HS3ST4: variants seen among roughly 807,000 people sequenced by gnomAD.
HS3ST4 encodes the protein heparan sulfate glucosamine 3-O-sulfotransferase 4.
Under a neutral mutation model 29.2 loss-of-function variants are expected in HS3ST4, and 17 were observed. The observed-to-expected ratio is 0.58, with a 90% CI of 0.40 to 0.87. HS3ST4 has a LOEUF of 0.87. Ranked by LOEUF, HS3ST4 falls within the 40% of genes least tolerant of loss-of-function variation. The pLI is 0.00. For synonymous variants in HS3ST4, 314 were observed against 285.7 expected, an observed-to-expected ratio of 1.10 and a Z score of -1.00; for missense variants, 627 against 634.5, an observed-to-expected ratio of 0.99 and a Z score of 0.13.
At chr16:25,990,947 T>C (rs1259937165) in intron 1 of HS3ST4, among the ~76,000 whole-genome samples, 1 of 152,222 alleles carries the variant, frequency 6.6e-6, no homozygotes, top group Non-Finnish European at 1.5e-5. Flanking sequence ...TTCCTTCTTA[T>C]AGCTTTTGTT....
intron 1 of HS3ST4, among the ~76,000 whole-genome samples, chr16:26,026,259 C>A (rs1300268125): frequency 6.6e-6 from 1 of 152,166 alleles, no homozygotes; most frequent in Non-Finnish European, 1.5e-5. Flanking sequence ...AGGGTGATAA[C>A]CAGGACCAAT....
At chr16:26,106,786 G>A (rs1260414259) in intron 1 of HS3ST4, among the ~76,000 whole-genome samples, 1 of 152,180 alleles carries the variant, frequency 6.6e-6, no homozygotes, top group Non-Finnish European at 1.5e-5. Context: ...AGATCTCATG[G>A]GAACTATTCC....
chr16:25,847,160 A>G (rs2141647744), intron 1 of HS3ST4, among the ~76,000 whole-genome samples: 1 of 152,308 alleles, frequency 6.6e-6, no homozygotes, highest in Middle Eastern at 3.4e-3. Flanking sequence ...GTCAAGGAAC[A>G]TGGCATGTCT....
chr16:25,925,092 A>G (rs964833968), intron 1 of HS3ST4, among the ~76,000 whole-genome samples: 1 of 151,974 alleles, frequency 6.6e-6, no homozygotes, highest in Admixed American at 6.6e-5. Context: ...TGGAGGTTGG[A>G]AATCAATGGC....
intron 1 of HS3ST4, among the ~76,000 whole-genome samples, chr16:25,917,503 G>T (rs992458370): frequency 6.6e-6 from 1 of 152,196 alleles, no homozygotes; most frequent in East Asian, 1.9e-4. Flanking sequence ...GAGCCACTGT[G>T]CCCAGCCTAT....
intron 1 of HS3ST4, among the ~76,000 whole-genome samples, chr16:25,898,741 T>C (rs569880710): frequency 3.7e-4 from 56 of 152,362 alleles, no homozygotes; most frequent in Non-Finnish European, 6.3e-4. Context: ...CAAGGCACTC[T>C]GCCTGAGGCT....
At chr16:26,026,083 A>G (rs1387697218) in intron 1 of HS3ST4, among the ~76,000 whole-genome samples, 3 of 151,952 alleles carry the variant, frequency 2.0e-5, no homozygotes, top group African/African-American at 7.2e-5. Context: ...TAATTTTTGT[A>G]TTTTTAGTAC....
At chr16:25,698,233 A>G (rs890329023) in intron 1 of HS3ST4, among the ~76,000 whole-genome samples, 15 of 152,168 alleles carry the variant, frequency 9.9e-5, no homozygotes, top group Admixed American at 5.9e-4. Flanking sequence ...CCAGGACAAC[A>G]TATGAGTTAT....
chr16:25,864,827 A>G (rs1004056218), intron 1 of HS3ST4, among the ~76,000 whole-genome samples: 3 of 151,622 alleles, frequency 2.0e-5, no homozygotes, highest in Non-Finnish European at 4.4e-5. Context: ...ATATATTTAT[A>G]AATAAAATCC....
At chr16:25,830,209 A>T (rs1967279549) in intron 1 of HS3ST4, among the ~76,000 whole-genome samples, 1 of 152,252 alleles carries the variant, frequency 6.6e-6, no homozygotes, top group African/African-American at 2.4e-5. Flanking sequence ...TGCCTGGAAG[A>T]TAGTAGACAA....
chr16:26,001,762 G>A (rs889890421), intron 1 of HS3ST4, among the ~76,000 whole-genome samples: 6 of 152,106 alleles, frequency 3.9e-5, no homozygotes, highest in Non-Finnish European at 8.8e-5. Flanking sequence ...TTTTCTCCGA[G>A]GCTCTGAAGT....
chr16:25,970,524 T>C (rs1463940595), intron 1 of HS3ST4, among the ~76,000 whole-genome samples: 1 of 151,994 alleles, frequency 6.6e-6, no homozygotes, highest in Non-Finnish European at 1.5e-5. Flanking sequence ...CTCTCTCTCT[T>C]TTTTTTTCAG....
chr16:25,711,110 C>T (rs931599580), intron 1 of HS3ST4, among the ~76,000 whole-genome samples: 2 of 152,138 alleles, frequency 1.3e-5, no homozygotes, highest in South Asian at 2.1e-4. Flanking sequence ...AGGCATGAAC[C>T]ACTGTGTCCA....
intron 1 of HS3ST4, among the ~76,000 whole-genome samples, chr16:25,787,624 G>A (rs1966859588): frequency 6.6e-6 from 1 of 152,198 alleles, no homozygotes; most frequent in South Asian, 2.1e-4. Context: ...TGCACACTTA[G>A]GTCCTGCCTA....
chr16:26,002,673 G>A, intron 1 of HS3ST4, among the ~76,000 whole-genome samples: 1 of 120,456 alleles, frequency 8.3e-6, no homozygotes, highest in African/African-American at 3.1e-5. Flanking sequence ...GAGGGAAAGA[G>A]AAAGAGATAG....
intron 1 of HS3ST4, among the ~76,000 whole-genome samples, chr16:25,764,118 G>T (rs973351689): frequency 6.6e-6 from 1 of 152,196 alleles, no homozygotes; most frequent in Non-Finnish European, 1.5e-5. Context: ...GTGATGCAGG[G>T]AGCACAGAAG....
rs1899307150 is a variant in HS3ST4, at chr16:26,123,782, C to T, written c.735-11830C>T. ...ACATGCGATATTTGGTTTTCCCTTCCTGAGTTACTCCACTTAGATTAATGA... is the reference window on the plus strand; with the variant it reads ...ACATGCGATATTTGGTTTTCCCTTCTTGAGTTACTCCACTTAGATTAATGA... On this transcript the variant is annotated intron_variant, in intron 1 of 1. Transcript: ENST00000331351. Among the ~76,000 whole-genome samples, 3 of 152,186 alleles carry T rather than the reference C, an allele frequency of 2.0e-5. No homozygotes were observed. In the South Asian group the frequency reaches 6.2e-4, roughly 32 times the overall value.
At chr16:25,971,397 C>A (rs1342773491) in intron 1 of HS3ST4, among the ~76,000 whole-genome samples, 1 of 152,142 alleles carries the variant, frequency 6.6e-6, no homozygotes, top group Non-Finnish European at 1.5e-5. Flanking sequence ...ATCCTCCTCC[C>A]ACCCAAACAT....
At chr16:25,707,318 C>T (rs117671880) in intron 1 of HS3ST4, among the ~76,000 whole-genome samples, 6 of 151,984 alleles carry the variant, frequency 3.9e-5, no homozygotes, top group Admixed American at 1.3e-4. Context: ...ACCATAATCA[C>T]GTAACTTTTA....
Sources: gnomAD v4.1 joint callset for allele counts (sites outside exome capture counted in the v4.1 genomes callset) on GRCh38, gnomAD v4.1.1 for gene constraint, MANE v1.5 for transcripts, NCBI Gene and HGNC (gene_info 2026-07-23, HGNC 2026-07-21) for gene names.